MELK: variants seen among roughly 807,000 people sequenced by gnomAD.
MELK encodes pEg3 kinase.
Under a neutral mutation model 85.0 loss-of-function variants are expected in MELK, and 81 were observed. The observed-to-expected ratio is 0.95, with a 90% CI of 0.80 to 1.15. The LOEUF (loss-of-function observed/expected upper bound fraction) is 1.15. Among genes scored for constraint, MELK ranks in the 50% most tolerant of loss-of-function variants. The probability of loss-of-function intolerance (pLI) is 0.00; values close to 1 mark genes in which losing one functional copy is unlikely to be tolerated. For synonymous variants in MELK, 252 were observed against 265.0 expected (o/e 0.95, Z 0.48); for missense variants, 754 against 777.5 (o/e 0.97, Z 0.36).
At chr9:36,632,982 G>T in intron 9 of MELK, 120 bp from the exon 10 acceptor site, 1 of 716,670 alleles carries the variant, frequency 1.4e-6, no homozygotes. Context: ...GTCTTTGACA[G>T]CATTTTTGTG....
chr9:36,591,919 C>T (rs927523593), intron 4 of MELK, among the ~76,000 whole-genome samples: 8 of 151,594 alleles, frequency 5.3e-5, no homozygotes, highest in Admixed American at 3.3e-4. Flanking sequence ...GAGTGAGACC[C>T]TGTCTCAAAA....
At chr9:36,637,351 T>C (rs1195817891) in intron 10 of MELK, among the ~76,000 whole-genome samples, 1 of 152,156 alleles carries the variant, frequency 6.6e-6, no homozygotes, top group Non-Finnish European at 1.5e-5. Flanking sequence ...ATTTAAGATA[T>C]AAATGTAGTG....
In MELK at chr9:36,584,393, C is replaced by T. The variant is rs555269667; in HGVS notation, c.144+681C>T. The stretch of plus-strand genomic sequence containing the variant: ...AGTGCAGTGGCGCGATCTTGGCTCA[C>T]GGCGACCTCCGCCTCCCAGGTTCAC... On this transcript the variant is annotated intron_variant, in intron 3 of 17. Transcript: ENST00000298048. Among the ~76,000 whole-genome samples the T allele has an allele frequency of 1.3e-4, 19 of 149,072 alleles. No individual in the cohort carries two copies. In the South Asian group the frequency reaches 3.8e-3, roughly 30 times the overall value.
intron 11 of MELK, 77 bp downstream of exon 11, chr9:36,643,160 A>T: frequency 8.2e-7 from 1 of 1,224,426 alleles, no homozygotes; most frequent in Non-Finnish European, 1.2e-6. Flanking sequence ...AGGTGGGAGG[A>T]TCACTTGAGG....
intron 8 of MELK, among the ~76,000 whole-genome samples, chr9:36,615,949 G>T (rs1329565197): frequency 6.6e-6 from 1 of 152,036 alleles, no homozygotes. Context: ...TTCCCAGACG[G>T]GGTGGCGGCC....
chr9:36,574,858 C>T (rs576776706), intron 1 of MELK, among the ~76,000 whole-genome samples: 45 of 152,174 alleles, frequency 3.0e-4, no homozygotes, highest in African/African-American at 1.1e-3. Flanking sequence ...AATTATAGGC[C>T]GGGCGCGGTG....
chr9:36,584,780 C>T (rs1271412870), intron 3 of MELK, among the ~76,000 whole-genome samples: 1 of 148,190 alleles, frequency 6.7e-6, no homozygotes, highest in Non-Finnish European at 1.5e-5. Flanking sequence ...TGCAGTTGCA[C>T]AATCACAGCT....
intron 8 of MELK, among the ~76,000 whole-genome samples, chr9:36,624,034 C>A (rs191778765): frequency 6.6e-6 from 1 of 151,582 alleles, no homozygotes; most frequent in East Asian, 1.9e-4. Context: ...TATACTAAAT[C>A]ATTGAACCCT....
At chr9:36,654,993 AAAGT>A (rs1831088390) in intron 12 of MELK, among the ~76,000 whole-genome samples, 1 of 152,100 alleles carries the variant, frequency 6.6e-6, no homozygotes. Flanking sequence ...TGTTTATAAG[AAAGT>A]AAGTAATCAT....
At chr9:36,582,924 C>T (rs1229666401) in intron 2 of MELK, among the ~76,000 whole-genome samples, 3 of 151,390 alleles carry the variant, frequency 2.0e-5, no homozygotes, top group Admixed American at 2.0e-4. Flanking sequence ...TGAGTGGAGA[C>T]ATTTGTCCAG....
chr9:36,649,339 T>C (rs757498749), intron 11 of MELK, among the ~76,000 whole-genome samples: 2 of 151,436 alleles, frequency 1.3e-5, no homozygotes, highest in Non-Finnish European at 1.5e-5. Context: ...ACAAAAAAAA[T>C]AGCCGGGTGT....
chr9:36,667,766 CTCTTT>C (rs1424431715), intron 14 of MELK, among the ~76,000 whole-genome samples: 3 of 151,832 alleles, frequency 2.0e-5, no homozygotes, highest in Non-Finnish European at 4.4e-5. Flanking sequence ...CTCTTCTCTT[CTCTTT>C]TCTTCTTTTT....
rs572794725 is a variant in MELK at position 36,588,147 on chromosome 9, C to G, written c.145-1389C>G. ...TCTCGGCTCACCGCAACTTCCACCT[C>G]CAGGGTTCAAGCAATTCTCCTGCCT... On this transcript the variant is annotated intron_variant, in intron 3 of 17. Coordinates refer to ENST00000298048, the MANE Select transcript of MELK (RefSeq NM_014791.4). Among the ~76,000 whole-genome samples the G allele has an allele frequency of 1.1e-4, 17 of 151,766 alleles. No individual in the cohort carries two copies. The East Asian group carries it at 2.3e-3, about 21-fold the overall frequency.
intron 7 of MELK, among the ~76,000 whole-genome samples, chr9:36,601,739 A>G (rs1008432963): frequency 2.0e-5 from 3 of 152,178 alleles, no homozygotes; most frequent in Non-Finnish European, 4.4e-5. Context: ...TGCCTACCCT[A>G]TTCCCCTGGC....
intron 8 of MELK, among the ~76,000 whole-genome samples, chr9:36,611,354 C>G (rs1319196755): frequency 6.6e-6 from 1 of 151,892 alleles, no homozygotes; most frequent in African/African-American, 2.4e-5. Context: ...CCTGGGAAAT[C>G]ATGTTTTCTG....
At chr9:36,635,939 G>A (rs1829093687) in intron 10 of MELK, among the ~76,000 whole-genome samples, 2 of 151,562 alleles carry the variant, frequency 1.3e-5, no homozygotes, top group Non-Finnish European at 1.5e-5. Flanking sequence ...TGGGACTACA[G>A]GCATGTGCCA....
At chr9:36,645,775 A>G (rs1305273537) in intron 11 of MELK, among the ~76,000 whole-genome samples, 1 of 152,176 alleles carries the variant, frequency 6.6e-6, no homozygotes, top group Non-Finnish European at 1.5e-5. Context: ...TGTGGTACGC[A>G]GCCAGAGTCG....
intron 12 of MELK, among the ~76,000 whole-genome samples, chr9:36,656,361 A>G (rs1374451188): frequency 6.6e-6 from 1 of 152,222 alleles, no homozygotes; most frequent in Non-Finnish European, 1.5e-5. Flanking sequence ...GTAGTATGCT[A>G]TATAACATAA....
chr9:36,604,797 C>T (rs796993346), intron 7 of MELK, among the ~76,000 whole-genome samples: 21 of 152,104 alleles, frequency 1.4e-4, no homozygotes, highest in African/African-American at 3.9e-4. Flanking sequence ...GCATGTACCA[C>T]GCCGCCTGGC....
Sources: allele counts gnomAD v4.1 joint callset (sites outside exome capture counted in the v4.1 genomes callset), GRCh38; gene constraint gnomAD v4.1.1; transcripts MANE v1.5; gene names NCBI Gene and HGNC (gene_info 2026-07-23, HGNC 2026-07-21).